Variants in ZNF614 observed in about 807,000 individuals in gnomAD.
The protein encoded by ZNF614 is zinc finger protein 614.
Under a neutral mutation model 12.8 loss-of-function variants are expected in ZNF614, and 11 were observed. The observed-to-expected ratio is 0.86, with a 90% CI of 0.54 to 1.43. The LOEUF is 1.43. ZNF614 is among the 40% of genes most tolerant of loss of function. The pLI is 0.00. For missense variants in ZNF614, 664 were observed against 708.8 expected (o/e 0.94, Z 0.72); for synonymous variants, 237 against 237.5 (o/e 1.00, Z 0.02).
Position 52,018,426 on chromosome 19 carries a change from A to G in ZNF614, c.84T>C (p.Ala28=). 1.9e-6 allele frequency: 3 copies of G among 1,614,168 alleles called. No individual in the cohort carries two copies. The highest frequency in any genetic ancestry group is 8.5e-7 in the Non-Finnish European group (1 of 1,180,020). The change falls in exon 3 of 5, where the codon GCT becomes GCC. Residue 28 remains alanine, a synonymous_variant. Coordinates refer to ENST00000270649, the MANE Select transcript of ZNF614 (RefSeq NM_025040.4). The part of the protein sequence containing the change: ...SWEEWQLLDT[A]QKNLYRDVMV... ...TCACATCCCGGTACAGGTTCTTCTGAGCAGTGTCCAGGAGCTGCCACTCCT... is the reference window on the plus strand; with the variant it reads ...TCACATCCCGGTACAGGTTCTTCTGGGCAGTGTCCAGGAGCTGCCACTCCT...
rs2086893019 is a variant in ZNF614 at position 52,015,917 on chromosome 19, G to A, written c.1681C>T (p.His561Tyr). 1 of 1,614,158 alleles carries A rather than the reference G, an allele frequency of 6.2e-7. No individual in the cohort carries two copies. Among genetic ancestry groups the A allele is most frequent in the Non-Finnish European group, 8.5e-7 (1 of 1,180,020 alleles). ...CTGATTCTACCCATTTCTCTTGTGT[G>A]CATTTTCTTATGTTTGACAAGGTTT... Reference protein sequence around the residue: ...LSNLVKHKKMHTREMGRISQV... With the variant: ...LSNLVKHKKMYTREMGRISQV... Residue 561 changes from histidine (H) to tyrosine (Y), a missense_variant, in exon 5 of 5, where the codon CAC (histidine) becomes TAC (tyrosine). His to Tyr is a moderately conservative substitution (Grantham distance 83). Coordinates refer to ENST00000270649, the MANE Select transcript of ZNF614 (RefSeq NM_025040.4).
chr19:52,017,232 A>G lies in ZNF614; in HGVS notation c.366T>C (p.Pro122=), dbSNP rs780256695. The G allele has an allele frequency of 6.2e-6, 10 of 1,614,028 alleles. No homozygotes were observed. The Admixed American group carries it at 1.7e-4, about 27-fold the overall frequency. ...CAAATGTATCATGATTTTGCACTAT[A>G]GGAAAATGTGTCTTGCTGAGATGTA... ...NIVHLSKTHF[P]IVQNHDTFDL... The change falls in exon 5 of 5, where the codon CCT becomes CCC. Residue 122 remains proline, a synonymous_variant. Coordinates refer to ENST00000270649, the MANE Select transcript of ZNF614 (RefSeq NM_025040.4).
chr19:52,018,547 G>A, intron 2 of ZNF614, 53 bp from the exon 3 acceptor site: 2 of 1,525,718 alleles, frequency 1.3e-6, no homozygotes, highest in Non-Finnish European at 8.9e-7. Flanking sequence ...TGTTAATATA[G>A]AAGTATAAGA....
chr19:52,024,723 T>G (rs1284204549), intron 2 of ZNF614, among the ~76,000 whole-genome samples: 1 of 152,174 alleles, frequency 6.6e-6, no homozygotes, highest in Non-Finnish European at 1.5e-5. Context: ...AGTATGCTTG[T>G]TAAAAGTCAT....
intron 4 of ZNF614, chr19:52,017,569 C>T (rs547960172): frequency 4.0e-6 from 2 of 494,846 alleles, no homozygotes; most frequent in East Asian, 7.3e-5. Flanking sequence ...GGCGTGGTGG[C>T]ACATGCCTGT....
rs751745425 is a variant in ZNF614 at position 52,015,435 on chromosome 19, C to G, written c.*405G>C. 1 of 158,208 alleles carries G rather than the reference C, an allele frequency of 6.3e-6. No homozygotes were observed. The highest frequency in any genetic ancestry group is 2.4e-5 in the African/African-American group (1 of 41,516). The allele number at this position is 158,208 out of a possible 1,614,324, so 9.8% of individuals were successfully genotyped here. A position where few individuals can be genotyped will look rare whatever the true frequency, so the allele number is the denominator to read the frequency against. On this transcript the variant is annotated 3_prime_UTR_variant, in exon 5 of 5. Coordinates refer to ENST00000270649, the MANE Select transcript of ZNF614 (RefSeq NM_025040.4). ...TTTCTATCAACAATAAGCTCACTTA[C>G]GTTGAAATCTATGATGAAACCTGAT...
chr19:52,016,980 T>C lies in ZNF614; in HGVS notation c.618A>G (p.Ala206=). 1.1e-5 allele frequency: 17 copies of C among 1,613,936 alleles called. No homozygotes were observed. Among genetic ancestry groups the C allele is most frequent in the Non-Finnish European group, 1.4e-5 (17 of 1,180,020 alleles). ...QRTQKIEKPH[A]CIECEQTFLR... is the part of the protein sequence containing the mutation. Reference sequence around the variant, plus strand: ...GGAAGGTTTGCTCACATTCAATGCATGCATGGGGTTTCTCAATTTTCTGAG... The same window carrying C: ...GGAAGGTTTGCTCACATTCAATGCACGCATGGGGTTTCTCAATTTTCTGAG... Residue 206 remains alanine (A), a synonymous_variant, in exon 5 of 5, where the codon GCA becomes GCG. Coordinates refer to ENST00000270649, the MANE Select transcript of ZNF614 (RefSeq NM_025040.4).
intron 2 of ZNF614, among the ~76,000 whole-genome samples, chr19:52,020,301 G>C (rs1264102985): frequency 6.6e-6 from 1 of 152,180 alleles, no homozygotes; most frequent in Non-Finnish European, 1.5e-5. Context: ...TTAATAACTT[G>C]ATAGAACAAC....
intron 2 of ZNF614, among the ~76,000 whole-genome samples, chr19:52,024,060 T>C (rs1274377428): frequency 6.6e-6 from 1 of 152,202 alleles, no homozygotes; most frequent in Non-Finnish European, 1.5e-5. Context: ...CTGCTGAACA[T>C]AGGGTAGTCC....
intron 2 of ZNF614, among the ~76,000 whole-genome samples, chr19:52,021,278 A>G (rs934732368): frequency 1.3e-5 from 2 of 152,104 alleles, no homozygotes; most frequent in Non-Finnish European, 2.9e-5. Context: ...AACCCAGCTA[A>G]CACCTTGACG....
At chr19:52,021,777 A>G (rs1468331698) in intron 2 of ZNF614, among the ~76,000 whole-genome samples, 5 of 152,174 alleles carry the variant, frequency 3.3e-5, no homozygotes, top group Admixed American at 6.5e-5. Flanking sequence ...TGTTCATGAT[A>G]TAAGTAAAAA....
Position 52,016,874 on chromosome 19 carries a change from T to C in ZNF614, c.724A>G (p.Arg242Gly), listed in dbSNP as rs145626862. The C allele has an allele frequency of 8.3e-5, 134 of 1,614,130 alleles. No individual in the cohort carries two copies. Among genetic ancestry groups the C allele is most frequent in the Middle Eastern group, 1.6e-4 (1 of 6,062 alleles). The change falls in exon 5 of 5, where the codon AGA (arginine) becomes GGA (glycine). Residue 242 changes from arginine (R) to glycine (G), a missense_variant. Arg to Gly is a moderately radical substitution (Grantham distance 125). Transcript: ENST00000270649. ...PGSGQCEKLS[R>G]SVLFTKHLKT... The stretch of plus-strand genomic sequence containing the variant: ...AGATGCTTAGTGAACAGGACACTTC[T>C]GGATAATTTCTCACATTGACCACTT...
chr19:52,017,326 T>G lies in ZNF614; in HGVS notation c.272A>C (p.His91Pro), dbSNP rs781363224. Residue 91 changes from histidine (H) to proline (P), a missense_variant, in exon 5 of 5, where the codon CAC (histidine) becomes CCC (proline). By Grantham distance (77) the His-to-Pro change is moderately conservative. Transcript: ENST00000270649. ...CTTCAGAAGTCTTTGGTTTGGAGAG[T>G]GCTCTTGCAGATGACTGTCAACTTT... is the stretch of plus-strand genomic sequence containing the variant. ...IGKVDSHLQE[H>P]SPNQRLLKSV... is the part of the protein sequence containing the mutation. 3.7e-6 allele frequency: 6 copies of G among 1,605,486 alleles called. No individual in the cohort carries two copies. In the Admixed American group the frequency reaches 8.5e-5, roughly 23 times the overall value.
At position 52,017,971 on chromosome 19, in the gene ZNF614, A is replaced by G. The variant is rs112456232; in HGVS notation, c.238+37T>C. 2.6e-6 allele frequency: 4 copies of G among 1,519,850 alleles called. No homozygotes were observed. The South Asian group carries it at 4.5e-5, about 17-fold the overall frequency. 94.1% of individuals were successfully genotyped at this position (1,519,850 alleles called of 1,614,324 possible). A position where few individuals can be genotyped will look rare whatever the true frequency, so the allele number is the denominator to read the frequency against. On this transcript the variant is annotated intron_variant, in intron 4 of 4. Transcript: ENST00000270649. ...ACCTTTCCTTAATGACTACAATAAG[A>G]CTCCTATAGCCACTGTCCTTGCTGG...
rs756133136 is a variant in ZNF614 at position 52,018,080 on chromosome 19, C to T, written c.166G>A (p.Val56Ile). 19 of 1,613,960 alleles carry T rather than the reference C, an allele frequency of 1.2e-5. No individual in the cohort carries two copies. In the Middle Eastern group the frequency reaches 9.9e-4, roughly 84 times the overall value. The change falls in exon 4 of 5, where the codon GTA becomes ATA. Residue 56 changes from valine (V) to isoleucine (I), a missense_variant. Physicochemically the swap from Val to Ile is conservative, Grantham distance 29. Transcript: ENST00000270649. Reference sequence around the variant, plus strand: ...TGTCCATGTGCCAACTTGGAGAGTACATCTGGTTTGCTAGTTTGATACCCT... The same window carrying T: ...TGTCCATGTGCCAACTTGGAGAGTATATCTGGTTTGCTAGTTTGATACCCT... ...SLGYQTSKPD[V>I]LSKLAHGQEP...
In ZNF614 at chr19:52,016,694, G is replaced by C. The variant is rs765260144; in HGVS notation, c.904C>G (p.Leu302Val). 1 of 1,613,964 alleles carries C rather than the reference G, an allele frequency of 6.2e-7. No individual in the cohort carries two copies. Among genetic ancestry groups the C allele is most frequent in the South Asian group, 1.1e-5 (1 of 91,054 alleles). ...CGKGFTMKRY[L>V]IAHQRTHSGE... ...CTATGAGTTCGCTGATGAGCAATTA[G>C]ATAGCGCTTCATTGTAAAGCCCTTT... The change falls in exon 5 of 5, where the codon CTA (leucine) becomes GTA (valine). Residue 302 changes from leucine (L) to valine (V), a missense_variant. Physicochemically the swap from Leu to Val is conservative, Grantham distance 32 (BLOSUM62 1). Coordinates refer to ENST00000270649, the MANE Select transcript of ZNF614 (RefSeq NM_025040.4).
At chr19:52,023,046 G>A (rs545765505) in intron 2 of ZNF614, among the ~76,000 whole-genome samples, 3 of 133,634 alleles carry the variant, frequency 2.2e-5, no homozygotes, top group South Asian at 4.8e-4. Flanking sequence ...GCCAGTGCCC[G>A]CCAGCCTGGG....
Position 52,017,028 on chromosome 19 carries a change from GA to G in ZNF614, c.569del (p.Phe190SerfsTer61). 6.2e-7 allele frequency: 1 copy of G among 1,614,048 alleles called. No homozygotes were observed. The highest frequency in any genetic ancestry group is 8.5e-7 in the Non-Finnish European group (1 of 1,180,010). On this transcript the variant is annotated frameshift_variant, in exon 5 of 5. Transcript: ENST00000270649. LOFTEE classifies it low-confidence loss of function (END_TRUNC). ...GAGTCCTCTGATGCTTGAAGACTTG[GA>G]ATTTAGTATGGATACATTTTGCATT... ...SENAKCIHTK[F>X]QVFKHQRTQK...
chr19:52,016,780 C>T lies in ZNF614; in HGVS notation c.818G>A (p.Ser273Asn). The T allele has an allele frequency of 2.5e-6, 4 of 1,614,012 alleles. No homozygotes were observed. Among genetic ancestry groups the T allele is most frequent in the Non-Finnish European group, 3.4e-6 (4 of 1,180,038 alleles). Residue 273 changes from serine to asparagine, a missense_variant, in exon 5 of 5, where the codon AGT (serine) becomes AAT (asparagine). Coordinates refer to ENST00000270649, the MANE Select transcript of ZNF614 (RefSeq NM_025040.4). ...ATGGGTTTGTTGATGTGTAATGAGA[C>T]TACTCTTCACAGTAGAGCCTTTTCT... is the stretch of plus-strand genomic sequence containing the variant. ...EYRKGSTVKS[S>N]LITHQQTHTE...
Sources: gnomAD v4.1 joint callset for allele counts (sites outside exome capture counted in the v4.1 genomes callset) on GRCh38, gnomAD v4.1.1 for gene constraint, MANE v1.5 for transcripts, NCBI Gene and HGNC (gene_info 2026-07-23, HGNC 2026-07-21) for gene names.